Variants in ZMAT3 observed in about 807,000 individuals in gnomAD.
ZMAT3 encodes the protein zinc finger matrin-type protein 3.
A neutral mutation model predicts 32.3 loss-of-function variants in ZMAT3; 17 were observed. The observed-to-expected ratio is 0.53, with a 90% CI of 0.36 to 0.79. The LOEUF is 0.79. ZMAT3 is among the 30% of genes least tolerant of loss of function. ZMAT3 has a pLI of 0.00. For synonymous variants in ZMAT3, 120 were observed against 133.1 expected (o/e 0.90, Z 0.68); for missense variants, 329 against 359.7 (o/e 0.91, Z 0.69).
chr3:179,030,071 A>T (rs1009606869), intron 3 of ZMAT3, among the ~76,000 whole-genome samples: 2 of 152,242 alleles, frequency 1.3e-5, no homozygotes, highest in African/African-American at 4.8e-5. Flanking sequence ...TTCAGAGGCT[A>T]CTAAGGTACA....
intron 2 of ZMAT3, among the ~76,000 whole-genome samples, chr3:179,049,617 G>A (rs1720432096): frequency 6.6e-6 from 1 of 152,166 alleles, no homozygotes; most frequent in Admixed American, 6.5e-5. Flanking sequence ...TATTTGAACT[G>A]AACGATAATA....
intron 2 of ZMAT3, among the ~76,000 whole-genome samples, chr3:179,054,353 T>C (rs981845354): frequency 2.6e-5 from 4 of 152,208 alleles, no homozygotes; most frequent in Admixed American, 6.5e-5. Context: ...TTCGATATCA[T>C]ACATCTAGCG....
chr3:179,062,928 C>T (rs1377341512), intron 2 of ZMAT3, among the ~76,000 whole-genome samples: 2 of 152,154 alleles, frequency 1.3e-5, no homozygotes, highest in Non-Finnish European at 2.9e-5. Context: ...TCATTTGAGA[C>T]CCAAACACTT....
chr3:179,055,609 AGAG>A lies in ZMAT3; in HGVS notation c.270+11871_270+11873del, dbSNP rs561015273. Among the ~76,000 whole-genome samples the A allele has an allele frequency of 2.5e-3, 381 of 152,024 alleles. 4 individuals carry two copies. Among genetic ancestry groups the A allele is most frequent in the African/African-American group, 8.7e-3 (362 of 41,440 alleles). ...CCGATTATGCCCCCTCCAAGCAGTG[AGAG>A]GAGGAGAATTCGGCCCAGCCAGAGT... On this transcript the variant is annotated intron_variant, in intron 2 of 5. Transcript: ENST00000311417.
chr3:179,058,479 G>T (rs146537665), intron 2 of ZMAT3, among the ~76,000 whole-genome samples: 1,805 of 152,300 alleles, frequency 0.012, 21 homozygotes, highest in Middle Eastern at 0.037. Context: ...ACTTCGGGAC[G>T]GGCGCGGTGG....
chr3:179,024,893 T>A lies in ZMAT3; in HGVS notation c.*124A>T. 1.2e-6 allele frequency: 1 copy of A among 847,262 alleles called. No individual in the cohort carries two copies. The highest frequency in any genetic ancestry group is 1.8e-6 in the Non-Finnish European group (1 of 542,612). The allele number at this position is 847,262 out of a possible 1,614,324, so 52.5% of individuals were successfully genotyped here. ...GTTTTGACATCTCATGGTACCACTG[T>A]GGGTTACATGTATTAACATTAAGCA... On this transcript the variant is annotated 3_prime_UTR_variant, in exon 6 of 6. Transcript: ENST00000311417.
intron 2 of ZMAT3, among the ~76,000 whole-genome samples, chr3:179,066,342 T>C (rs986946048): frequency 6.6e-6 from 1 of 152,122 alleles, no homozygotes. Flanking sequence ...CAAAACCACA[T>C]AATGGGAACT....
chr3:179,028,168 G>A (rs912882287), intron 3 of ZMAT3, among the ~76,000 whole-genome samples: 8 of 152,182 alleles, frequency 5.3e-5, no homozygotes, highest in Admixed American at 3.3e-4. Flanking sequence ...AGAATCCATC[G>A]ATAAGCATTT....
chr3:179,041,488 T>C lies in ZMAT3; in HGVS notation c.271-10489A>G, dbSNP rs537383002. Among the ~76,000 whole-genome samples, 8 of 152,168 alleles carry C rather than the reference T, an allele frequency of 5.3e-5. 2 individuals carry two copies. The highest frequency in any genetic ancestry group is 2.0e-4 in the Admixed American group (3 of 15,276). On this transcript the variant is annotated intron_variant, in intron 2 of 5. Transcript: ENST00000311417. ...AACTTGCTCCTGAATGACTACTGGGTAAATAACGAAATGAAGGCAGAAATA... is the reference window on the plus strand; with the variant it reads ...AACTTGCTCCTGAATGACTACTGGGCAAATAACGAAATGAAGGCAGAAATA...
intron 2 of ZMAT3, among the ~76,000 whole-genome samples, chr3:179,042,066 C>A (rs1719967434): frequency 6.6e-6 from 1 of 152,168 alleles, no homozygotes; most frequent in South Asian, 2.1e-4. Context: ...AGACCAGTAA[C>A]AGGCTCTGAA....
chr3:179,040,370 T>A (rs1719851591), intron 2 of ZMAT3, among the ~76,000 whole-genome samples: 1 of 152,180 alleles, frequency 6.6e-6, no homozygotes, highest in African/African-American at 2.4e-5. Flanking sequence ...CCCATCAGAC[T>A]AACAGCGGAT....
intron 2 of ZMAT3, among the ~76,000 whole-genome samples, chr3:179,041,453 G>C (rs1719922366): frequency 6.6e-6 from 1 of 152,186 alleles, no homozygotes; most frequent in Non-Finnish European, 1.5e-5. Flanking sequence ...CAACTACATG[G>C]AAACTGAACA....
intron 2 of ZMAT3, among the ~76,000 whole-genome samples, chr3:179,053,195 T>C (rs1204757999): frequency 1.3e-5 from 2 of 150,824 alleles, no homozygotes; most frequent in East Asian, 1.9e-4. Flanking sequence ...AGAATATCTA[T>C]AGATATAAAA....
chr3:179,056,396 A>T (rs916679401), intron 2 of ZMAT3, among the ~76,000 whole-genome samples: 8 of 152,068 alleles, frequency 5.3e-5, no homozygotes, highest in Admixed American at 5.2e-4. Context: ...TGCAAAAGGG[A>T]AAAGCTGGGC....
chr3:179,060,724 A>G (rs55701326), intron 2 of ZMAT3, among the ~76,000 whole-genome samples: 20,675 of 152,164 alleles, frequency 0.14, 1,416 homozygotes, highest in African/African-American at 0.15. Context: ...AGTGCTGACC[A>G]GGACAAATGA....
At chr3:179,033,113 A>C (rs1431081383) in intron 2 of ZMAT3, among the ~76,000 whole-genome samples, 1 of 152,244 alleles carries the variant, frequency 6.6e-6, no homozygotes, top group Non-Finnish European at 1.5e-5. Flanking sequence ...AGAAGTAGAC[A>C]TAGGAGACTC....
At chr3:179,057,337 G>C (rs1464929624) in intron 2 of ZMAT3, among the ~76,000 whole-genome samples, 1 of 151,534 alleles carries the variant, frequency 6.6e-6, no homozygotes, top group Non-Finnish European at 1.5e-5. Flanking sequence ...TACAGTCCTG[G>C]ACCTTAAGGA....
intron 2 of ZMAT3, among the ~76,000 whole-genome samples, chr3:179,034,057 T>C (rs1719446574): frequency 6.6e-6 from 1 of 152,224 alleles, no homozygotes; most frequent in South Asian, 2.1e-4. Context: ...CACAAACTAG[T>C]GGCAAGGGTC....
chr3:179,059,942 C>G (rs1309502972), intron 2 of ZMAT3, among the ~76,000 whole-genome samples: 1 of 152,090 alleles, frequency 6.6e-6, no homozygotes, highest in East Asian at 1.9e-4. Context: ...TCACACCCGA[C>G]CAGTAAGAGA....
Sources: gnomAD v4.1 joint callset for allele counts (sites outside exome capture counted in the v4.1 genomes callset) on GRCh38, gnomAD v4.1.1 for gene constraint, MANE v1.5 for transcripts, NCBI Gene and HGNC (gene_info 2026-07-23, HGNC 2026-07-21) for gene names.